The following VIT variants were observed in gnomAD, a reference collection of about 807,000 sequenced individuals.
The protein encoded by VIT is vitrin.
VIT carries 99 observed loss-of-function variants against 78.0 expected under a neutral mutation model. The observed-to-expected ratio is 1.27, with a 90% CI of 1.08 to 1.50. The LOEUF (loss-of-function observed/expected upper bound fraction) is 1.50. Among genes scored for constraint, VIT ranks in the 40% most tolerant of loss-of-function variants. The pLI is 0.00. For synonymous variants in VIT, 374 were observed against 334.3 expected, an observed-to-expected ratio of 1.12 and a Z score of -1.29; for missense variants, 1,126 against 875.3, an observed-to-expected ratio of 1.29 and a Z score of -3.61.
rs2148658733 is a variant in VIT at position 36,797,772 on chromosome 2, G to C, written c.1059-3529G>C. Among the ~76,000 whole-genome samples, 3 of 152,334 alleles carry C rather than the reference G, an allele frequency of 2.0e-5. No individual in the cohort carries two copies. In the South Asian group the frequency reaches 6.2e-4, roughly 32 times the overall value. On this transcript the variant is annotated intron_variant, in intron 12 of 15. Coordinates refer to ENST00000379242, the MANE Select transcript of VIT (RefSeq NM_053276.4). ...CAAGAAGAGATGCATGATGGGGCTA[G>C]CACCCTATGGAACACCAAAGTTTAG...
In VIT at chr2:36,814,342, A is replaced by T. The variant is rs763592237; in HGVS notation, c.2063A>T (p.Asn688Ile). 2 of 1,614,174 alleles carry T rather than the reference A, an allele frequency of 1.2e-6. No homozygotes were observed. Among genetic ancestry groups the T allele is most frequent in the South Asian group, 2.2e-5 (2 of 91,066 alleles). ...RIIQNICTEF[N>I]SQPRN ...ATCCAGAACATTTGTACAGAGTTCAACTCACAGCCTCGGAACTGAATTCAG... is the reference window on the plus strand; with the variant it reads ...ATCCAGAACATTTGTACAGAGTTCATCTCACAGCCTCGGAACTGAATTCAG... The change falls in exon 16 of 16, where the codon AAC becomes ATC. Residue 688 changes from asparagine (N) to isoleucine (I), a missense_variant. Asn to Ile is a moderately radical substitution (Grantham distance 149). Transcript: ENST00000379242.
chr2:36,765,146 G>A (rs1056147374), intron 6 of VIT, among the ~76,000 whole-genome samples: 1 of 152,104 alleles, frequency 6.6e-6, no homozygotes, highest in Non-Finnish European at 1.5e-5. Flanking sequence ...GATCGTGACG[G>A]GGCGGTTATT....
chr2:36,730,523 A>T (rs988807756), intron 3 of VIT, among the ~76,000 whole-genome samples: 2 of 152,178 alleles, frequency 1.3e-5, no homozygotes, highest in Non-Finnish European at 2.9e-5. Context: ...GAAGGGATGA[A>T]GAAGGGCACA....
At position 36,720,287 on chromosome 2, in the gene VIT, C is replaced by T. The variant is rs143373382; in HGVS notation, c.52+3865C>T. 2.7e-3 allele frequency among the ~76,000 whole-genome samples: 415 copies of T among 152,154 alleles called. 3 individuals carry two copies. Among genetic ancestry groups the T allele is most frequent in the African/African-American group, 9.7e-3 (401 of 41,508 alleles). On this transcript the variant is annotated intron_variant, in intron 2 of 15. Coordinates refer to ENST00000379242, the MANE Select transcript of VIT (RefSeq NM_053276.4). ...AAAACAGCATGGTACTGGCATAAAA[C>T]CAGACATATAAACCCATGAAACAAA... is the stretch of plus-strand genomic sequence containing the variant.
chr2:36,755,020 C>T lies in VIT; in HGVS notation c.375C>T (p.Ser125=). 6.2e-7 allele frequency: 1 copy of T among 1,614,060 alleles called. No individual in the cohort carries two copies. Among genetic ancestry groups the T allele is most frequent in the Non-Finnish European group, 8.5e-7 (1 of 1,180,002 alleles). The change falls in exon 5 of 16, where the codon TCC becomes TCT. Residue 125 remains serine (S), a synonymous_variant. Transcript: ENST00000379242. ...ATTCCAACGGTGTCCAATCGTTATC[C>T]CTACCACGATGGAGAGAATCCTTTA... ...GSYSNGVQSL[S]LPRWRESFIV...
chr2:36,716,641 A>G (rs1022190831), intron 2 of VIT, among the ~76,000 whole-genome samples: 2 of 152,190 alleles, frequency 1.3e-5, no homozygotes, highest in Admixed American at 6.5e-5. Flanking sequence ...CAAATACTGT[A>G]TATATATTAC....
chr2:36,703,270 A>G (rs1665181121), intron 1 of VIT, among the ~76,000 whole-genome samples: 1 of 152,140 alleles, frequency 6.6e-6, no homozygotes, highest in South Asian at 2.1e-4. Context: ...AAACTTCTTA[A>G]AGACAAGTTA....
chr2:36,768,669 C>G (rs1669580417), intron 7 of VIT, among the ~76,000 whole-genome samples: 1 of 152,176 alleles, frequency 6.6e-6, no homozygotes, highest in Admixed American at 6.5e-5. Context: ...ACTCCAGCAG[C>G]CTGGCTCTCC....
chr2:36,787,555 G>A (rs558794375), intron 12 of VIT, among the ~76,000 whole-genome samples: 10 of 152,356 alleles, frequency 6.6e-5, no homozygotes, highest in African/African-American at 2.4e-4. Flanking sequence ...GGAGAGATGC[G>A]TGTGAGTGTT....
At chr2:36,715,224 G>A (rs773086608) in intron 1 of VIT, among the ~76,000 whole-genome samples, 1 of 152,150 alleles carries the variant, frequency 6.6e-6, no homozygotes, top group East Asian at 1.9e-4. Flanking sequence ...AAGAGCCCCA[G>A]GTGATGAGTA....
intron 6 of VIT, among the ~76,000 whole-genome samples, chr2:36,759,879 C>T (rs1668998959): frequency 6.6e-6 from 1 of 152,176 alleles, no homozygotes; most frequent in Non-Finnish European, 1.5e-5. Flanking sequence ...CGTAGACCAC[C>T]ATCGGCCTAT....
At chr2:36,811,997 C>T (rs1438111276) in intron 15 of VIT, among the ~76,000 whole-genome samples, 1 of 152,054 alleles carries the variant, frequency 6.6e-6, no homozygotes. Context: ...ATTTCTAATA[C>T]TGTTTGCGTA....
At chr2:36,809,808 A>T (rs1667018555) in intron 15 of VIT, among the ~76,000 whole-genome samples, 1 of 151,748 alleles carries the variant, frequency 6.6e-6, no homozygotes, top group Non-Finnish European at 1.5e-5. Context: ...GCTTCAGGGA[A>T]ACCTGAAAGG....
chr2:36,701,336 G>A (rs541855667), intron 1 of VIT, among the ~76,000 whole-genome samples: 3 of 152,236 alleles, frequency 2.0e-5, no homozygotes, highest in South Asian at 2.1e-4. Context: ...CCTCTGTGTA[G>A]CCAGTCTCCA....
At chr2:36,719,353 G>C (rs1022980113) in intron 2 of VIT, among the ~76,000 whole-genome samples, 2 of 152,094 alleles carry the variant, frequency 1.3e-5, no homozygotes, top group Admixed American at 1.3e-4. Flanking sequence ...ATTAGACAAG[G>C]AAAGGAAATA....
intron 7 of VIT, among the ~76,000 whole-genome samples, chr2:36,773,212 A>C (rs1259361752): frequency 6.6e-6 from 1 of 152,226 alleles, no homozygotes; most frequent in Non-Finnish European, 1.5e-5. Context: ...AGAATAATGA[A>C]GTGTAAAGAA....
intron 4 of VIT, among the ~76,000 whole-genome samples, chr2:36,753,026 C>T (rs1572475992): frequency 1.3e-5 from 2 of 152,254 alleles, no homozygotes; most frequent in South Asian, 4.1e-4. Flanking sequence ...ACTATGCAGC[C>T]ATAAAAGGAA....
At chr2:36,724,285 T>C (rs979453728) in intron 2 of VIT, among the ~76,000 whole-genome samples, 4 of 152,140 alleles carry the variant, frequency 2.6e-5, no homozygotes, top group African/African-American at 9.7e-5. Flanking sequence ...TGCTGCATGA[T>C]TGCCTTGGAA....
At chr2:36,761,127 C>T (rs1299694514) in intron 6 of VIT, among the ~76,000 whole-genome samples, 1 of 152,202 alleles carries the variant, frequency 6.6e-6, no homozygotes, top group African/African-American at 2.4e-5. Flanking sequence ...CTGTATTGCA[C>T]ACGTGTGATG....
Sources: allele counts gnomAD v4.1 joint callset (sites outside exome capture counted in the v4.1 genomes callset), GRCh38; gene constraint gnomAD v4.1.1; transcripts MANE v1.5; gene names NCBI Gene and HGNC (gene_info 2026-07-23, HGNC 2026-07-21).